The following VARS1 variants were observed in gnomAD, a reference collection of about 807,000 sequenced individuals.
VARS1 encodes the protein valyl-tRNA synthetase 1, also known as valine--tRNA ligase.
In VARS1, 92 loss-of-function variants were observed where a neutral mutation model predicts 161.0. That is an observed-to-expected ratio of 0.57 (90% CI 0.48 to 0.68). The LOEUF (loss-of-function observed/expected upper bound fraction) is 0.68. Ranked by LOEUF, VARS1 falls within the 30% of genes least tolerant of loss-of-function variation. VARS1 has a pLI of 0.00. For missense variants in VARS1, 1,338 were observed against 1,695.9 expected (o/e 0.79, Z 3.71); for synonymous variants, 595 against 682.5 (o/e 0.87, Z 2.00).
rs2151422706 is a variant in VARS1, at chr6:31,783,314, G to T, written c.1672-128C>A. 4 of 873,940 alleles carry T rather than the reference G, an allele frequency of 4.6e-6. No homozygotes were observed. In the East Asian group the frequency reaches 1.1e-4, roughly 23 times the overall value. 54.1% of individuals were successfully genotyped at this position (873,940 alleles called of 1,614,324 possible). A position where few individuals can be genotyped will look rare whatever the true frequency, so the allele number is the denominator to read the frequency against. ...GAGGCCGGGAGTTGGAGACCAGCCT[G>T]GCCAACATGGGGAAACCTAGTCTCT... is the stretch of plus-strand genomic sequence containing the variant. On this transcript the variant is annotated intron_variant, in intron 13 of 29. Coordinates refer to ENST00000375663, the MANE Select transcript of VARS1 (RefSeq NM_006295.3).
Position 31,785,372 on chromosome 6 carries a change from G to T in VARS1, c.1266-45C>A, listed in dbSNP as rs775434121. On this transcript the variant is annotated intron_variant, in intron 9 of 29. Coordinates refer to ENST00000375663, the MANE Select transcript of VARS1 (RefSeq NM_006295.3). The surrounding 1 kb of genome is among the most constrained non-coding windows in gnomAD (Gnocchi z 6.1). Reference sequence around the variant, plus strand: ...GGTCAGCACTCGTGCCTGGGCTAGAGGGAGACATCAGGTGGCTGACTGGGC... The same window carrying T: ...GGTCAGCACTCGTGCCTGGGCTAGATGGAGACATCAGGTGGCTGACTGGGC... The T allele has an allele frequency of 1.5e-5, 24 of 1,610,078 alleles. No individual in the cohort carries two copies. Among genetic ancestry groups the T allele is most frequent in the Non-Finnish European group, 2.0e-5 (23 of 1,177,844 alleles).
intron 8 of VARS1, among the ~76,000 whole-genome samples, chr6:31,786,464 C>T (rs575697046): frequency 6.7e-4 from 102 of 151,556 alleles, no homozygotes; most frequent in Non-Finnish European, 1.1e-3. Flanking sequence ...GACAGGAGTT[C>T]GAGACCAGCC....
In VARS1 at chr6:31,793,090, T is replaced by G; in HGVS notation, c.418A>C (p.Ser140Arg). ...AGCCGAAGCCACTCCTCCAAGGGGC[T>G]CAGGGCCCTGCCCAGGGCCCCCAGC... ...AVLGALGRAL[S>R]PLEEWLRLHT... The change falls in exon 3 of 30, where the codon AGC becomes CGC. Residue 140 changes from serine (S) to arginine (R), a missense_variant. Ser to Arg is a moderately radical substitution (Grantham distance 110). Transcript: ENST00000375663. 1 of 1,610,372 alleles carries G rather than the reference T, an allele frequency of 6.2e-7. No individual in the cohort carries two copies. The highest frequency in any genetic ancestry group is 2.2e-5 in the East Asian group (1 of 44,862).
chr6:31,782,025 G>A lies in VARS1; in HGVS notation c.2241+62C>T, dbSNP rs1813186959. 1.2e-6 allele frequency: 2 copies of A among 1,612,194 alleles called. No homozygotes were observed. The highest frequency in any genetic ancestry group is 2.2e-5 in the East Asian group (1 of 44,846). The stretch of plus-strand genomic sequence containing the variant: ...TCACCCTGCCCCTCCCCCCACCAAG[G>A]ACCCAGTAAACCCACCACTCCAGCA... On this transcript the variant is annotated intron_variant, in intron 18 of 29. Transcript: ENST00000375663. The surrounding 1 kb of genome is among the most constrained non-coding windows in gnomAD (Gnocchi z 8.3).
At position 31,782,018 on chromosome 6, in the gene VARS1, C is replaced by T. The variant is rs535208710; in HGVS notation, c.2242-66G>A. On this transcript the variant is annotated intron_variant, in intron 18 of 29. Coordinates refer to ENST00000375663, the MANE Select transcript of VARS1 (RefSeq NM_006295.3). The surrounding 1 kb of genome is among the most constrained non-coding windows in gnomAD (Gnocchi z 8.3). ...TTCTGGCTCACCCTGCCCCTCCCCC[C>T]ACCAAGGACCCAGTAAACCCACCAC... 55 of 1,612,354 alleles carry T rather than the reference C, an allele frequency of 3.4e-5. No homozygotes were observed. The South Asian group carries it at 5.1e-4, about 15-fold the overall frequency.
At position 31,795,581 on chromosome 6, in the gene VARS1, C is replaced by T. The variant is rs1011639641; in HGVS notation, c.-69G>A. On this transcript the variant is annotated 5_prime_UTR_variant, in exon 1 of 30. Coordinates refer to ENST00000375663, the MANE Select transcript of VARS1 (RefSeq NM_006295.3). The surrounding 1 kb of genome is among the most constrained non-coding windows in gnomAD (Gnocchi z 6.9). ...TGGTCAGACTGGGCCGGGAATCCAC[C>T]TCACAGCCAGGCGCCGGCCGCGGCT... 1.1e-4 allele frequency: 20 copies of T among 189,974 alleles called. No individual in the cohort carries two copies. Among genetic ancestry groups the T allele is most frequent in the Non-Finnish European group, 1.7e-4 (16 of 93,148 alleles). The allele number at this position is 189,974 out of a possible 1,614,324, so 11.8% of individuals were successfully genotyped here.
chr6:31,783,292 G>T, intron 13 of VARS1, 106 bp from the exon 14 acceptor site: 1 of 1,206,130 alleles, frequency 8.3e-7, no homozygotes. Flanking sequence ...ATCACTTGAG[G>T]CCGGGAGTTG....
intron 13 of VARS1, 154 bp from the exon 14 acceptor site, chr6:31,783,340 A>C: frequency 1.4e-6 from 1 of 702,928 alleles, no homozygotes; most frequent in Non-Finnish European, 2.3e-6. Flanking sequence ...CCTAGTCTCT[A>C]CTAAAAATAC....
chr6:31,780,740 G>A lies in VARS1; in HGVS notation c.2762C>T (p.Ala921Val). The change falls in exon 24 of 30, where the codon GCT becomes GTT. Residue 921 changes from alanine to valine, a missense_variant. Physicochemically the swap from Ala to Val is moderately conservative, Grantham distance 64. Transcript: ENST00000375663. This position sits in a 1 kb window ranked among gnomAD's most constrained non-coding sequence, Gnocchi z 5.1. The part of the protein sequence containing the change: ...PAGIPECGTD[A>V]LRFGLCAYMS... ...GTAGGCACATAATCCAAACCGGAGA[G>A]CATCGGTGCCACATTCAGGAATCCC... is the stretch of plus-strand genomic sequence containing the variant. 6.2e-7 allele frequency: 1 copy of A among 1,614,214 alleles called. No homozygotes were observed. Among genetic ancestry groups the A allele is most frequent in the Non-Finnish European group, 8.5e-7 (1 of 1,180,040 alleles).
Position 31,792,487 on chromosome 6 carries a change from C to T in VARS1, c.691G>A (p.Ala231Thr). The T allele has an allele frequency of 6.2e-7, 1 of 1,613,986 alleles. No individual in the cohort carries two copies. The highest frequency in any genetic ancestry group is 8.5e-7 in the Non-Finnish European group (1 of 1,180,002). The change falls in exon 5 of 30, where the codon GCT becomes ACT. Residue 231 changes from alanine to threonine, a missense_variant. Around this residue, in one of 3 missense-constraint regions of VARS1, gnomAD observed 902 missense variants for 1,090.3 expected, o/e 0.83. Coordinates refer to ENST00000375663, the MANE Select transcript of VARS1 (RefSeq NM_006295.3). The part of the protein sequence containing the change: ...GPEAPALPKT[A>T]AQLKKEAKKR... ...TTTGCCTCTTTCTTGAGCTGAGCAGCTGTCTTTGGGAGGGCAGGAGCCTCG... is the reference window on the plus strand; with the variant it reads ...TTTGCCTCTTTCTTGAGCTGAGCAGTTGTCTTTGGGAGGGCAGGAGCCTCG...
intron 13 of VARS1, 164 bp from the exon 14 acceptor site, chr6:31,783,350 C>CAA: frequency 1.2e-5 from 7 of 579,394 alleles, no homozygotes; most frequent in South Asian, 2.4e-5. Flanking sequence ...ACTAAAAATA[C>CAA]AAAAAAAAAA....
In VARS1 at chr6:31,792,490, T is replaced by C; in HGVS notation, c.688A>G (p.Thr230Ala). Residue 230 changes from threonine (T) to alanine (A), a missense_variant, in exon 5 of 30, where the codon ACA (threonine) becomes GCA (alanine). Thr to Ala is a moderately conservative substitution (Grantham distance 58). Transcript: ENST00000375663. ...PGPEAPALPKTAAQLKKEAKK... is the reference protein window; with the variant it reads ...PGPEAPALPKAAAQLKKEAKK... ...GCCTCTTTCTTGAGCTGAGCAGCTG[T>C]CTTTGGGAGGGCAGGAGCCTCGGGG... 6.2e-7 allele frequency: 1 copy of C among 1,613,726 alleles called. No individual in the cohort carries two copies. Among genetic ancestry groups the C allele is most frequent in the East Asian group, 2.2e-5 (1 of 44,856 alleles).
chr6:31,791,711 G>A lies in VARS1; in HGVS notation c.999C>T (p.Pro333=). ...YGRPNVSAAN[P]RGVFMMCIPP... ...GGATGCACATCATGAAGACACCTCGGGGATTTGCTGCTGACACATTAGGAC... is the reference window on the plus strand; with the variant it reads ...GGATGCACATCATGAAGACACCTCGAGGATTTGCTGCTGACACATTAGGAC... Residue 333 remains proline, a synonymous_variant, in exon 8 of 30, where the codon CCC becomes CCT. Transcript: ENST00000375663. The surrounding 1 kb of genome is among the most constrained non-coding windows in gnomAD (Gnocchi z 5.0). 6.2e-7 allele frequency: 1 copy of A among 1,613,092 alleles called. No homozygotes were observed. The highest frequency in any genetic ancestry group is 8.5e-7 in the Non-Finnish European group (1 of 1,180,028).
rs753470812 is a variant in VARS1 at position 31,784,495 on chromosome 6, T to A, written c.1475A>T (p.Lys492Met). The change falls in exon 12 of 30, where the codon AAG becomes ATG. Residue 492 changes from lysine (K) to methionine (M), a missense_variant. By Grantham distance (95) the Lys-to-Met change is moderately conservative. This residue lies in a region of VARS1 where 902 missense variants were observed against 1,090.3 expected (regional missense o/e 0.83). Transcript: ENST00000375663. This position sits in a 1 kb window ranked among gnomAD's most constrained non-coding sequence, Gnocchi z 6.1. ...NSAISDIEVD[K>M]KELTGRTLLS... is the part of the protein sequence containing the mutation. ...CAGGGTGCGACCTGTCAGCTCCTTC[T>A]TATCCACCTGTAAAATGGGTATTTA... 6.2e-7 allele frequency: 1 copy of A among 1,614,068 alleles called. No individual in the cohort carries two copies. The highest frequency in any genetic ancestry group is 8.5e-7 in the Non-Finnish European group (1 of 1,180,034).
In VARS1 at chr6:31,779,387, A is replaced by G; in HGVS notation, c.3400+38T>C. 1 of 1,606,884 alleles carries G rather than the reference A, an allele frequency of 6.2e-7. No individual in the cohort carries two copies. Among genetic ancestry groups the G allele is most frequent in the Non-Finnish European group, 8.5e-7 (1 of 1,179,258 alleles). On this transcript the variant is annotated intron_variant, in intron 28 of 29. Coordinates refer to ENST00000375663, the MANE Select transcript of VARS1 (RefSeq NM_006295.3). The surrounding 1 kb of genome is among the most constrained non-coding windows in gnomAD (Gnocchi z 9.1). Reference sequence around the variant, plus strand: ...CTGGGTCCCAGAGTAGGCTGAGGGGACAGTGGGATGGGGCGGACATGGGGG... The same window carrying G: ...CTGGGTCCCAGAGTAGGCTGAGGGGGCAGTGGGATGGGGCGGACATGGGGG...
intron 8 of VARS1, among the ~76,000 whole-genome samples, chr6:31,789,180 C>T (rs763985721): frequency 2.1e-4 from 32 of 151,654 alleles, no homozygotes; most frequent in Non-Finnish European, 3.1e-4. Context: ...AAAACTACCA[C>T]ACAATAATAC....
chr6:31,784,685 A>G lies in VARS1; in HGVS notation c.1377T>C (p.Phe459=), dbSNP rs1300384181. ...PKLSAAVTEA[F]VRLHEEGIIY... ...TGATGCCTTCCTCGTGAAGCCGGAC[A>G]AAGGCCTCTGTCACAGCTGCTGAGA... The change falls in exon 11 of 30, where the codon TTT becomes TTC. Residue 459 remains phenylalanine (F), a synonymous_variant. Coordinates refer to ENST00000375663, the MANE Select transcript of VARS1 (RefSeq NM_006295.3). This position sits in a 1 kb window ranked among gnomAD's most constrained non-coding sequence, Gnocchi z 6.1. The G allele has an allele frequency of 1.9e-6, 3 of 1,613,030 alleles. No individual in the cohort carries two copies. Among genetic ancestry groups the G allele is most frequent in the Non-Finnish European group, 2.5e-6 (3 of 1,180,032 alleles).
At chr6:31,783,266 A>T in intron 13 of VARS1, 80 bp from the exon 14 acceptor site, 1 of 1,475,534 alleles carries the variant, frequency 6.8e-7, no homozygotes, top group Admixed American at 1.9e-5. Flanking sequence ...GAACTTTGGG[A>T]GGCTGAGGTG....
In VARS1 at chr6:31,784,774, C is replaced by A; in HGVS notation, c.1348-60G>T. 2 of 1,608,010 alleles carry A rather than the reference C, an allele frequency of 1.2e-6. No individual in the cohort carries two copies. On this transcript the variant is annotated intron_variant, in intron 10 of 29. Transcript: ENST00000375663. The surrounding 1 kb of genome is among the most constrained non-coding windows in gnomAD (Gnocchi z 6.1). ...CCTTGTGCCTGGAGGCCCAGGCAGA[C>A]ACCCAGGGCTCCAGTGAGGCCTTGC...
Sources: gnomAD v4.1 joint callset for allele counts (sites outside exome capture counted in the v4.1 genomes callset) on GRCh38, gnomAD v4.1.1 for gene constraint, gnomAD v4.1.1 regional missense constraint, Gnocchi (gnomAD v3.1) non-coding constraint, MANE v1.5 for transcripts, NCBI Gene and HGNC (gene_info 2026-07-23, HGNC 2026-07-21) for gene names.